Variants in PSMB7 observed in about 807,000 individuals in gnomAD.
PSMB7 encodes proteasome 20S subunit beta 7, also known as proteasome subunit beta type-7.
In PSMB7, 5 loss-of-function variants were observed where a neutral mutation model predicts 28.1. The ratio of observed to expected loss-of-function variants is 0.18; its 90% CI spans 0.09 to 0.37. PSMB7 has a LOEUF of 0.37. Among genes scored for constraint, PSMB7 ranks in the 10% least tolerant of loss-of-function variants. The pLI, the probability that PSMB7 is intolerant of heterozygous loss-of-function variation, is 1.00. For missense variants in PSMB7, 275 were observed against 346.2 expected, an observed-to-expected ratio of 0.79 and a Z score of 1.63; for synonymous variants, 122 against 123.7, an observed-to-expected ratio of 0.99 and a Z score of 0.09.
intron 7 of PSMB7, among the ~76,000 whole-genome samples, chr9:124,355,150 A>G (rs1830389831): frequency 6.6e-6 from 1 of 152,192 alleles, no homozygotes; most frequent in East Asian, 1.9e-4. Context: ...GAGTCCAGGG[A>G]GCTTGGACAC....
chr9:124,353,645 C>G lies in PSMB7; in HGVS notation c.787G>C (p.Glu263Gln), dbSNP rs190726809. 2.1e-5 allele frequency: 34 copies of G among 1,614,114 alleles called. 1 individual carries two copies. The highest frequency in any genetic ancestry group is 1.8e-4 in the Admixed American group (11 of 60,030). ...AVLTEKITPL[E>Q]IEVLEETVQT... ...ACTGTTTCTTCCAGCACCTCAATCT[C>G]CAGAGGAGTGATTTTCTCAGTGAGG... The change falls in exon 8 of 8, where the codon GAG becomes CAG. Residue 263 changes from glutamate (E) to glutamine (Q), a missense_variant. Transcript: ENST00000259457.
At chr9:124,385,055 G>A (rs1263589777) in intron 5 of PSMB7, among the ~76,000 whole-genome samples, 6 of 152,202 alleles carry the variant, frequency 3.9e-5, no homozygotes, top group Admixed American at 2.0e-4. Flanking sequence ...TGGGTATAGC[G>A]CTAAATACCA....
intron 4 of PSMB7, among the ~76,000 whole-genome samples, chr9:124,408,961 A>C (rs1373327402): frequency 1.3e-5 from 2 of 152,234 alleles, no homozygotes; most frequent in Non-Finnish European, 2.9e-5. Context: ...TTAGGTGAGA[A>C]GACTAGGCTA....
In PSMB7 at chr9:124,356,932, C is replaced by T. The variant is rs377045124; in HGVS notation, c.571-17G>A. On this transcript the variant is annotated splice_polypyrimidine_tract_variant and intron_variant, in intron 6 of 7. Transcript: ENST00000259457. This position sits in a 1 kb window ranked among gnomAD's most constrained non-coding sequence, Gnocchi z 4.4. ...TTCCTCCTCCTGAGAAACAGAACGG[C>T]GGCAATAATGTCCCCGGCCAAACTA... 410 of 1,613,628 alleles carry T rather than the reference C, an allele frequency of 2.5e-4. 3 individuals carry two copies. The highest frequency in any genetic ancestry group is 3.3e-4 in the Middle Eastern group (2 of 6,080).
At chr9:124,373,691 C>A (rs1230854591) in intron 6 of PSMB7, among the ~76,000 whole-genome samples, 2 of 152,156 alleles carry the variant, frequency 1.3e-5, no homozygotes, top group African/African-American at 4.8e-5. Flanking sequence ...CACACACCCA[C>A]CAGGATGACT....
intron 6 of PSMB7, among the ~76,000 whole-genome samples, chr9:124,366,948 G>A (rs961111281): frequency 7.2e-5 from 11 of 152,218 alleles, no homozygotes; most frequent in African/African-American, 2.4e-4. Flanking sequence ...TGACATTCAC[G>A]TGATGACAAA....
intron 6 of PSMB7, among the ~76,000 whole-genome samples, 169 bp downstream of exon 6, chr9:124,384,429 T>C (rs1023652704): frequency 2.0e-5 from 3 of 152,190 alleles, no homozygotes; most frequent in African/African-American, 7.2e-5. Context: ...GCTGGGCCAC[T>C]ACAAAAGGAA....
chr9:124,374,526 T>C (rs777053323), intron 6 of PSMB7, among the ~76,000 whole-genome samples: 30 of 152,148 alleles, frequency 2.0e-4, no homozygotes, highest in Non-Finnish European at 4.0e-4. Context: ...TTAATATTAA[T>C]TTTTTTTAAA....
chr9:124,392,460 G>A (rs1206994428), intron 5 of PSMB7, among the ~76,000 whole-genome samples: 4 of 152,196 alleles, frequency 2.6e-5, no homozygotes, highest in African/African-American at 4.8e-5. Context: ...GAAACCGAGG[G>A]GCACAGCAGC....
intron 5 of PSMB7, among the ~76,000 whole-genome samples, chr9:124,388,470 G>A (rs898226387): frequency 1.3e-5 from 2 of 152,232 alleles, no homozygotes; most frequent in Admixed American, 1.3e-4. Context: ...CCCGCCAGGT[G>A]CCATGCGGCC....
At chr9:124,410,049 C>T (rs1831012612) in intron 4 of PSMB7, among the ~76,000 whole-genome samples, 1 of 144,860 alleles carries the variant, frequency 6.9e-6, no homozygotes, top group South Asian at 2.2e-4. Context: ...CGCACTTTCA[C>T]CCAGGCTGGA....
chr9:124,358,387 T>G (rs1351351301), intron 6 of PSMB7, among the ~76,000 whole-genome samples: 3 of 152,062 alleles, frequency 2.0e-5, no homozygotes. Flanking sequence ...ATACCCCAGG[T>G]TTTTTCACTC....
chr9:124,389,745 G>C (rs944501834), intron 5 of PSMB7, among the ~76,000 whole-genome samples: 7 of 152,172 alleles, frequency 4.6e-5, no homozygotes, highest in Non-Finnish European at 8.8e-5. Context: ...TGGAGTCCTG[G>C]AAAGAGCACC....
intron 6 of PSMB7, among the ~76,000 whole-genome samples, chr9:124,364,254 C>T (rs1471755337): frequency 1.3e-5 from 2 of 152,110 alleles, no homozygotes; most frequent in African/African-American, 2.4e-5. Flanking sequence ...TGTGTACAAG[C>T]AGGAGAGTCG....
chr9:124,373,688 C>A (rs1014000129), intron 6 of PSMB7, among the ~76,000 whole-genome samples: 3 of 152,098 alleles, frequency 2.0e-5, no homozygotes, highest in Admixed American at 1.3e-4. Context: ...TCACACACAC[C>A]CACCAGGATG....
chr9:124,367,621 A>G (rs1429437495), intron 6 of PSMB7, among the ~76,000 whole-genome samples: 5 of 152,174 alleles, frequency 3.3e-5, no homozygotes, highest in Non-Finnish European at 7.3e-5. Context: ...ATTTGACAGA[A>G]TAAAGATATG....
At chr9:124,379,731 A>C (rs1331397202) in intron 6 of PSMB7, among the ~76,000 whole-genome samples, 1 of 152,098 alleles carries the variant, frequency 6.6e-6, no homozygotes, top group East Asian at 1.9e-4. Flanking sequence ...CTGTGTCCTT[A>C]ATGGGGTGTT....
Position 124,405,364 on chromosome 9 carries a change from CT to C in PSMB7, c.463del (p.Ser155AlafsTer44). 1 of 1,613,884 alleles carries C rather than the reference CT, an allele frequency of 6.2e-7. No individual in the cohort carries two copies. Among genetic ancestry groups the C allele is most frequent in the Non-Finnish European group, 8.5e-7 (1 of 1,179,816 alleles). On this transcript the variant is annotated frameshift_variant, in exon 5 of 8. Transcript: ENST00000259457. LOFTEE classifies it high-confidence loss of function. ...ATCAGTTGATCCATGAGGATAGATG[CT>C]GTAGAGGTGAGGTCCAGTAACATCT... is the stretch of plus-strand genomic sequence containing the variant. ...GVDVTGPHLYSIYPHGSTDKL... is the reference protein window; with the variant it reads ...GVDVTGPHLYXIYPHGSTDKL...
chr9:124,387,488 T>TAC lies in PSMB7; in HGVS notation c.512-2834_512-2833dup, dbSNP rs937848274. On this transcript the variant is annotated intron_variant, in intron 5 of 7. Coordinates refer to ENST00000259457, the MANE Select transcript of PSMB7 (RefSeq NM_002799.4). ...TTTTATACCTCAAAAAATACATACA[T>TAC]ACACACACACACACTCTCTCTCTCG... 1.6e-4 allele frequency among the ~76,000 whole-genome samples: 24 copies of TAC among 149,686 alleles called. No homozygotes were observed. In the East Asian group the frequency reaches 2.1e-3, roughly 13 times the overall value.
Sources: gnomAD v4.1 joint callset for allele counts (sites outside exome capture counted in the v4.1 genomes callset) on GRCh38, gnomAD v4.1.1 for gene constraint, Gnocchi (gnomAD v3.1) non-coding constraint, MANE v1.5 for transcripts, NCBI Gene and HGNC (gene_info 2026-07-23, HGNC 2026-07-21) for gene names.